The following CCDC171 variants were observed in gnomAD, a reference collection of about 807,000 sequenced individuals.
The protein encoded by CCDC171 is coiled-coil domain containing 171.
A neutral mutation model predicts 168.2 loss-of-function variants in CCDC171; 177 were observed. The ratio of observed to expected loss-of-function variants is 1.05; its 90% CI spans 0.93 to 1.19. The LOEUF (loss-of-function observed/expected upper bound fraction) is 1.19. Among genes scored for constraint, CCDC171 ranks in the 50% most tolerant of loss-of-function variants. The probability of loss-of-function intolerance (pLI) is 0.00; values close to 1 mark genes in which losing one functional copy is unlikely to be tolerated. For missense variants in CCDC171, 1,991 were observed against 1,539.0 expected (o/e 1.29, Z -4.91); for synonymous variants, 687 against 540.8 (o/e 1.27, Z -3.75).
At chr9:15,563,588 G>A (rs978471567) in intron 1 of CCDC171, among the ~76,000 whole-genome samples, 2 of 152,166 alleles carry the variant, frequency 1.3e-5, no homozygotes, top group Admixed American at 6.5e-5. Context: ...AATGACGGTG[G>A]TATTCATTTG....
chr9:15,912,851 C>T (rs900367250), intron 24 of CCDC171, among the ~76,000 whole-genome samples: 2 of 152,128 alleles, frequency 1.3e-5, no homozygotes, highest in Admixed American at 1.3e-4. Context: ...TATTGATTTG[C>T]ATATGATGAA....
At chr9:15,946,855 T>C (rs1469304158) in intron 25 of CCDC171, among the ~76,000 whole-genome samples, 2 of 152,010 alleles carry the variant, frequency 1.3e-5, no homozygotes, top group Non-Finnish European at 2.9e-5. Flanking sequence ...AAATGTTGTT[T>C]AGTTAGGTTT....
Position 15,744,754 on chromosome 9 carries a change from C to G in CCDC171, c.2531C>G (p.Pro844Arg). ...GGCATGTTAGTGTGCACAGGAGAGC[C>G]CCAAGACAAGCATAAATTTCCAAGT... ...GIGMLVCTGE[P>R]QDKHKFPKHQ... The change falls in exon 17 of 26, where the codon CCC becomes CGC. Residue 844 changes from proline to arginine, a missense_variant. By Grantham distance (103) the Pro-to-Arg change is moderately radical (BLOSUM62 -2). Coordinates refer to ENST00000380701, the MANE Select transcript of CCDC171 (RefSeq NM_173550.4). 6.2e-7 allele frequency: 1 copy of G among 1,607,430 alleles called. No individual in the cohort carries two copies. The highest frequency in any genetic ancestry group is 2.2e-5 in the East Asian group (1 of 44,776).
chr9:15,609,231 C>T (rs954230552), intron 6 of CCDC171, among the ~76,000 whole-genome samples: 1 of 151,876 alleles, frequency 6.6e-6, no homozygotes, highest in Non-Finnish European at 1.5e-5. Flanking sequence ...TCCCGAGTAG[C>T]TGGGATTACA....
At chr9:15,893,225 A>C (rs1820448871) in intron 24 of CCDC171, among the ~76,000 whole-genome samples, 1 of 152,248 alleles carries the variant, frequency 6.6e-6, no homozygotes, top group South Asian at 2.1e-4. Context: ...AGAACTGGCT[A>C]GCCATATGCA....
intron 21 of CCDC171, among the ~76,000 whole-genome samples, chr9:15,842,485 CAG>C (rs913593876): frequency 1.3e-5 from 2 of 151,934 alleles, no homozygotes; most frequent in East Asian, 3.9e-4. Flanking sequence ...CATTTCTAAA[CAG>C]AATGATACAC....
intron 19 of CCDC171, among the ~76,000 whole-genome samples, chr9:15,778,155 G>A (rs1299909811): frequency 1.3e-5 from 2 of 150,800 alleles, no homozygotes; most frequent in African/African-American, 2.4e-5. Flanking sequence ...AAATTAGCCC[G>A]GCGCGGTGGC....
chr9:15,853,701 C>T (rs1446254367), intron 23 of CCDC171, among the ~76,000 whole-genome samples: 2 of 151,596 alleles, frequency 1.3e-5, no homozygotes, highest in African/African-American at 4.8e-5. Context: ...TTTGGTCTTA[C>T]ACCATTAAGC....
At chr9:16,021,100 T>G (rs111550370) in intron 4 of CCDC171, among the ~76,000 whole-genome samples, 1 of 152,244 alleles carries the variant, frequency 6.6e-6, no homozygotes, top group African/African-American at 2.4e-5. Flanking sequence ...AATTTTTGTT[T>G]TCTTTAGACG....
intron 7 of CCDC171, among the ~76,000 whole-genome samples, chr9:15,629,864 G>A (rs1454241533): frequency 2.0e-5 from 3 of 152,300 alleles, no homozygotes; most frequent in East Asian, 1.9e-4. Flanking sequence ...GAGAGTGGGG[G>A]CCAATATTCA....
intron 6 of CCDC171, among the ~76,000 whole-genome samples, chr9:16,032,869 A>T (rs963148951): frequency 1.3e-5 from 2 of 152,180 alleles, no homozygotes; most frequent in Non-Finnish European, 2.9e-5. Context: ...GATTTGGCAA[A>T]ACAGGGACAA....
chr9:15,637,125 G>A (rs965644196), intron 7 of CCDC171, among the ~76,000 whole-genome samples: 1 of 151,980 alleles, frequency 6.6e-6, no homozygotes, highest in African/African-American at 2.4e-5. Flanking sequence ...GCATGGTGGC[G>A]CTCGCCTGTA....
intron 25 of CCDC171, among the ~76,000 whole-genome samples, chr9:15,943,999 C>T (rs556221694): frequency 6.6e-6 from 1 of 151,996 alleles, no homozygotes; most frequent in African/African-American, 2.4e-5. Context: ...AAACAGGATG[C>T]CACTAGCCTG....
At chr9:15,626,768 A>C (rs2045159335) in intron 7 of CCDC171, among the ~76,000 whole-genome samples, 1 of 152,174 alleles carries the variant, frequency 6.6e-6, no homozygotes, top group Non-Finnish European at 1.5e-5. Context: ...TATTGGTCTA[A>C]AATTCTCTTT....
At chr9:15,778,026 G>A (rs1490871933) in intron 19 of CCDC171, among the ~76,000 whole-genome samples, 200 bp downstream of exon 19, 3 of 152,088 alleles carry the variant, frequency 2.0e-5, no homozygotes, top group South Asian at 4.1e-4. Flanking sequence ...GGCCGGGCGC[G>A]GTGGCTCACG....
Position 15,932,387 on chromosome 9 carries a change from T to C in CCDC171, c.3753+11965T>C, listed in dbSNP as rs1589162624. On this transcript the variant is annotated intron_variant, in intron 25 of 25. Coordinates refer to ENST00000380701, the MANE Select transcript of CCDC171 (RefSeq NM_173550.4). ...TTTATAGCTATTGTAAACGGAATTG[T>C]TTTCTTTATTTCTTTTTCAGATAGT... Among the ~76,000 whole-genome samples, 3 of 151,988 alleles carry C rather than the reference T, an allele frequency of 2.0e-5. No individual in the cohort carries two copies. In the East Asian group the frequency reaches 5.8e-4, roughly 30 times the overall value.
intron 1 of CCDC171, among the ~76,000 whole-genome samples, chr9:16,056,578 C>T (rs1833844959): frequency 6.6e-6 from 1 of 152,138 alleles, no homozygotes; most frequent in Non-Finnish European, 1.5e-5. Flanking sequence ...ACCTCCGCCT[C>T]CCAGGTTCAA....
intron 25 of CCDC171, among the ~76,000 whole-genome samples, chr9:15,931,730 C>T (rs780210917): frequency 2.0e-5 from 3 of 151,482 alleles, no homozygotes; most frequent in Non-Finnish European, 4.4e-5. Flanking sequence ...CCTATGTTTT[C>T]TTCTAGTGTT....
intron 21 of CCDC171, among the ~76,000 whole-genome samples, chr9:15,817,790 G>A (rs2059615987): frequency 8.4e-6 from 1 of 118,382 alleles, no homozygotes; most frequent in Non-Finnish European, 1.9e-5. Context: ...CAAACAAAAG[G>A]CAGCAATAAC....
Sources: allele counts gnomAD v4.1 joint callset (sites outside exome capture counted in the v4.1 genomes callset), GRCh38; gene constraint gnomAD v4.1.1; transcripts MANE v1.5; gene names NCBI Gene and HGNC (gene_info 2026-07-23, HGNC 2026-07-21).